The following EMX1 variants were observed in gnomAD, a reference collection of about 807,000 sequenced individuals.
EMX1 encodes the protein homeobox protein EMX1.
In EMX1, 10 loss-of-function variants were observed where a neutral mutation model predicts 20.1. That is an observed-to-expected ratio of 0.50 (90% confidence interval 0.31 to 0.84). The LOEUF (loss-of-function observed/expected upper bound fraction) is 0.84, where lower values mean the gene tolerates loss of function less well. Ranked by LOEUF, EMX1 falls within the 40% of genes least tolerant of loss-of-function variation. EMX1 has a pLI of 0.05. For missense variants in EMX1, 424 were observed against 431.9 expected (o/e 0.98, Z 0.16); for synonymous variants, 250 against 200.4 (o/e 1.25, Z -2.09).
chr2:72,924,078 C>A (rs1266603708), intron 1 of EMX1: 2 of 609,538 alleles, frequency 3.3e-6, no homozygotes, highest in Non-Finnish European at 5.9e-6. Flanking sequence ...TCCCCGCGTT[C>A]CCCCGCGGAG....
intron 2 of EMX1, chr2:72,925,561 G>C: frequency 1.6e-6 from 2 of 1,287,370 alleles, no homozygotes; most frequent in Non-Finnish European, 2.0e-6. Context: ...CGGTCTCCCA[G>C]CTACCTCCCG....
intron 2 of EMX1, among the ~76,000 whole-genome samples, chr2:72,932,283 C>A (rs144279597): frequency 2.0e-5 from 3 of 152,234 alleles, no homozygotes; most frequent in African/African-American, 7.2e-5. Flanking sequence ...ACCATCCAGG[C>A]CTTGTAGCCT....
At chr2:72,933,738 C>T (rs1294524565) in intron 2 of EMX1, 49 bp from the exon 3 acceptor site, 1 of 1,602,742 alleles carries the variant, frequency 6.2e-7, no homozygotes, top group African/African-American at 1.3e-5. Context: ...AGTGGCTGCT[C>T]TGGGGGCCTC....
At chr2:72,917,037 AGACCGC>A, upstream of EMX1, 3 of 675,942 alleles carry the variant, frequency 4.4e-6, no homozygotes, top group Non-Finnish European at 5.5e-6. Flanking sequence ...TCGCAGCTTC[AGACCGC>A]GGCCCAGGAG....
upstream of EMX1, chr2:72,916,200 A>G (rs543782324): frequency 4.3e-3 from 687 of 161,332 alleles, 6 homozygotes; most frequent in African/African-American, 0.015. Flanking sequence ...AGCGCTCTCC[A>G]AACCACGGCT....
At chr2:72,924,835 A>T (rs1573897859) in intron 2 of EMX1, among the ~76,000 whole-genome samples, 1 of 152,124 alleles carries the variant, frequency 6.6e-6, no homozygotes, top group Non-Finnish European at 1.5e-5. Context: ...CGCAGGCAGC[A>T]CCGAGGCCAC....
intron 1 of EMX1, among the ~76,000 whole-genome samples, chr2:72,919,134 T>C (rs1047244183): frequency 1.3e-5 from 2 of 150,858 alleles, no homozygotes; most frequent in African/African-American, 4.9e-5. Context: ...AACCCCGGAG[T>C]TTGCATCCAG....
chr2:72,922,064 A>G (rs1671112691), intron 1 of EMX1, among the ~76,000 whole-genome samples: 1 of 152,028 alleles, frequency 6.6e-6, no homozygotes, highest in African/African-American at 2.4e-5. Flanking sequence ...ATACACACTT[A>G]CGGGGCTTTC....
At chr2:72,919,951 AGTT>A (rs1389058451) in intron 1 of EMX1, among the ~76,000 whole-genome samples, 5 of 152,038 alleles carry the variant, frequency 3.3e-5, no homozygotes, top group African/African-American at 1.2e-4. Flanking sequence ...CCAGGGGCCG[AGTT>A]GTAGTTGGGG....
At chr2:72,916,707 C>T (rs1422922591), upstream of EMX1, 5 of 717,246 alleles carry the variant, frequency 7.0e-6, no homozygotes, top group African/African-American at 8.7e-5. Context: ...ACTTGGCCAG[C>T]TTCAATTTAA....
At position 72,918,065 on chromosome 2, in the gene EMX1, G is replaced by GGCC; in HGVS notation, c.217_219dup (p.Ala73dup). On this transcript the variant is annotated inframe_insertion, in exon 1 of 3. Coordinates refer to ENST00000258106, the MANE Select transcript of EMX1 (RefSeq NM_004097.3). ...GCGCGGGCTCCCATCTCCTGGCGGC[G>GGCC]GCCGCCTCCGAGGAACCGCTCCGGC... The GGCC allele has an allele frequency of 5.6e-6, 8 of 1,415,956 alleles. No homozygotes were observed. In the South Asian group the frequency reaches 9.0e-5, roughly 16 times the overall value. 87.7% of individuals were successfully genotyped at this position (1,415,956 alleles called of 1,614,324 possible).
intron 1 of EMX1, among the ~76,000 whole-genome samples, chr2:72,922,945 A>G (rs964858846): frequency 1.2e-4 from 18 of 152,240 alleles, no homozygotes; most frequent in African/African-American, 4.3e-4. Context: ...CTGTCAAAAT[A>G]ATCCATCTAG....
At chr2:72,921,270 C>G (rs56703688) in intron 1 of EMX1, among the ~76,000 whole-genome samples, 25,237 of 152,168 alleles carry the variant, frequency 0.17, 2,321 homozygotes, top group African/African-American at 0.21. Flanking sequence ...GAGGGGTATT[C>G]ATTTCCCTAG....
At chr2:72,918,659 G>T (rs1671042782) in intron 1 of EMX1, among the ~76,000 whole-genome samples, 1 of 152,226 alleles carries the variant, frequency 6.6e-6, no homozygotes, top group Non-Finnish European at 1.5e-5. Context: ...GCTGGCCCTC[G>T]CCACAGCCTG....
At chr2:72,919,743 C>T (rs542123300) in intron 1 of EMX1, among the ~76,000 whole-genome samples, 1 of 151,654 alleles carries the variant, frequency 6.6e-6, no homozygotes, top group Admixed American at 6.5e-5. Context: ...GCCTTGCCTC[C>T]TCTTTGAAGA....
rs776800989 is a variant in EMX1, at chr2:72,918,258, C to G, written c.406C>G (p.Leu136Val). 6.3e-6 allele frequency: 10 copies of G among 1,578,346 alleles called. No homozygotes were observed. In the East Asian group the frequency reaches 2.4e-4, roughly 38 times the overall value. Reference sequence around the variant, plus strand: ...GCTGACCGTGCATCCGGCGCACCAGCTGGGCGCCTCCCCGCTGCAGCCCCC... The same window carrying G: ...GCTGACCGTGCATCCGGCGCACCAGGTGGGCGCCTCCCCGCTGCAGCCCCC... ...PALTVHPAHQ[L>V]GASPLQPPHS... The change falls in exon 1 of 3, where the codon CTG becomes GTG. Residue 136 changes from leucine (L) to valine (V), a missense_variant. Transcript: ENST00000258106.
chr2:72,922,473 C>T (rs1671121558), intron 1 of EMX1, among the ~76,000 whole-genome samples: 1 of 152,198 alleles, frequency 6.6e-6, no homozygotes, highest in Non-Finnish European at 1.5e-5. Flanking sequence ...TAGATCTGCG[C>T]CACTTGAATA....
At chr2:72,919,081 C>T (rs1671052596) in intron 1 of EMX1, among the ~76,000 whole-genome samples, 2 of 152,072 alleles carry the variant, frequency 1.3e-5, no homozygotes, top group African/African-American at 2.4e-5. Flanking sequence ...TTTTCCCGGG[C>T]AGGGGGCGGG....
chr2:72,924,421 C>T lies in EMX1; in HGVS notation c.633C>T (p.Phe211=), dbSNP rs768163875. 4.4e-6 allele frequency: 7 copies of T among 1,596,184 alleles called. No homozygotes were observed. The East Asian group carries it at 1.4e-4, about 31-fold the overall frequency. ...PSQLLRLERA[F]EKNHYVVGAE... The stretch of plus-strand genomic sequence containing the variant: ...AGCTGCTGCGGCTGGAGCGCGCCTT[C>T]GAGAAGAACCACTACGTGGTGGGCG... The change falls in exon 2 of 3, where the codon TTC becomes TTT. Residue 211 remains phenylalanine, a synonymous_variant. Transcript: ENST00000258106.
Sources: gnomAD v4.1 joint callset for allele counts (sites outside exome capture counted in the v4.1 genomes callset) on GRCh38, gnomAD v4.1.1 for gene constraint, MANE v1.5 for transcripts, NCBI Gene and HGNC (gene_info 2026-07-23, HGNC 2026-07-21) for gene names.